Variants in MECR observed in about 807,000 individuals in gnomAD.
The protein encoded by MECR is mitochondrial trans-2-enoyl-CoA reductase, also known as enoyl-[acyl-carrier-protein] reductase, mitochondrial.
MECR carries 37 observed loss-of-function variants against 49.1 expected under a neutral mutation model. The ratio of observed to expected loss-of-function variants is 0.75; its 90% confidence interval spans 0.58 to 0.99. The LOEUF (loss-of-function observed/expected upper bound fraction) is 0.99, where lower values mean the gene tolerates loss of function less well. Ranked by LOEUF, MECR falls within the 50% of genes least tolerant of loss-of-function variation. MECR has a pLI of 0.00. For missense variants in MECR, 470 were observed against 479.6 expected (o/e 0.98, Z 0.19); for synonymous variants, 198 against 191.1 (o/e 1.04, Z -0.30).
intron 3 of MECR, among the ~76,000 whole-genome samples, chr1:29,215,710 A>C (rs1462771983): frequency 6.6e-6 from 1 of 151,142 alleles, no homozygotes; most frequent in African/African-American, 2.4e-5. Context: ...ATCTCTACTA[A>C]CAATACAAAA....
chr1:29,181,718 T>C, the MECR span: 1 of 1,594,176 alleles, frequency 6.3e-7, no homozygotes. Flanking sequence ...CTCCCGGGCC[T>C]GGTAGCTCAG....
chr1:29,226,120 G>A (rs1681980471), intron 1 of MECR, among the ~76,000 whole-genome samples: 1 of 141,982 alleles, frequency 7.0e-6, no homozygotes, highest in Non-Finnish European at 1.5e-5. Flanking sequence ...AGTGAGCCGA[G>A]ATTGCACCAC....
At chr1:29,221,251 G>C (rs959107997) in intron 1 of MECR, 1 of 152,212 alleles carries the variant, frequency 6.6e-6, no homozygotes, top group African/African-American at 2.4e-5. Context: ...TTGATGGACT[G>C]GGAACCCATC....
At chr1:29,181,950 G>C in the MECR span, 16 of 407,970 alleles carry the variant, frequency 3.9e-5, no homozygotes, top group African/African-American at 2.7e-4. Context: ...CGAGGCGGAA[G>C]GTAACCGGAG....
intron 3 of MECR, among the ~76,000 whole-genome samples, chr1:29,214,371 T>C (rs1429108179): frequency 2.0e-5 from 3 of 149,704 alleles, no homozygotes; most frequent in Non-Finnish European, 4.4e-5. Context: ...TTATTTTTTT[T>C]TTTTTTTGGA....
the MECR span, chr1:29,172,190 A>G: frequency 4.6e-5 from 7 of 152,268 alleles, no homozygotes; most frequent in African/African-American, 1.7e-4. Context: ...TATTACTAAT[A>G]AAACAATGAC....
chr1:29,175,737 A>G, the MECR span, among the ~76,000 whole-genome samples: 5 of 151,218 alleles, frequency 3.3e-5, no homozygotes, highest in East Asian at 5.8e-4. Context: ...CCAATTATAA[A>G]TATGTGCTAC....
chr1:29,224,499 G>A (rs966130145), intron 1 of MECR: 1 of 152,180 alleles, frequency 6.6e-6, no homozygotes, highest in African/African-American at 2.4e-5. Flanking sequence ...GGAGCAAAGA[G>A]GATTCACGTC....
At chr1:29,228,353 CTTTTTTTT>C (rs5773235) in intron 1 of MECR, among the ~76,000 whole-genome samples, 1 of 134,600 alleles carries the variant, frequency 7.4e-6, no homozygotes, top group Non-Finnish European at 1.6e-5. Context: ...GTGGAAGTAT[CTTTTTTTT>C]TTTTTTTTTG....
intron 1 of MECR, 133 bp from the exon 2 acceptor site, chr1:29,216,818 A>G (rs1377574897): frequency 1.3e-6 from 2 of 1,519,256 alleles, no homozygotes; most frequent in Admixed American, 2.1e-5. Flanking sequence ...CGGTTCTGTT[A>G]TAAAAGAGAG....
At chr1:29,183,381 TTCTC>T in the MECR span, among the ~76,000 whole-genome samples, 27 of 148,394 alleles carry the variant, frequency 1.8e-4, no homozygotes, top group African/African-American at 3.9e-4. Flanking sequence ...AACTTTGCAT[TTCTC>T]TCTCTCTCTT....
At chr1:29,180,502 C>T in the MECR span, among the ~76,000 whole-genome samples, 2 of 152,210 alleles carry the variant, frequency 1.3e-5, no homozygotes, top group African/African-American at 2.4e-5. Flanking sequence ...TTTTCTCATA[C>T]GTGAAACATA....
intron 7 of MECR, among the ~76,000 whole-genome samples, chr1:29,200,098 T>G (rs542536784): frequency 1.2e-4 from 19 of 152,264 alleles, no homozygotes; most frequent in Middle Eastern, 3.4e-3. Flanking sequence ...CCTTTGCACT[T>G]TTACATGTTT....
At chr1:29,195,126 AC>A (rs1673648635) in intron 9 of MECR, among the ~76,000 whole-genome samples, 2 of 151,858 alleles carry the variant, frequency 1.3e-5, no homozygotes, top group South Asian at 2.1e-4. Flanking sequence ...AAAAAAAATA[AC>A]CCCCCAAAAC....
the MECR span, among the ~76,000 whole-genome samples, chr1:29,176,951 T>C: frequency 1.3e-5 from 2 of 152,202 alleles, no homozygotes; most frequent in African/African-American, 4.8e-5. Context: ...TAAATTTCAA[T>C]GATCTGGGGG....
At chr1:29,173,128 GGCT>G in the MECR span, 1 of 135,408 alleles carries the variant, frequency 7.4e-6, no homozygotes, top group African/African-American at 2.7e-5. Flanking sequence ...GAGTCAAAAA[GGCT>G]TTTTTTTTTT....
chr1:29,203,760 G>C (rs1364489259), intron 4 of MECR, among the ~76,000 whole-genome samples: 1 of 152,220 alleles, frequency 6.6e-6, no homozygotes, highest in East Asian at 1.9e-4. Flanking sequence ...ATTGTATATA[G>C]GTCCATTTCT....
intron 6 of MECR, among the ~76,000 whole-genome samples, chr1:29,200,958 A>T (rs879655831): frequency 2.6e-5 from 4 of 151,394 alleles, no homozygotes; most frequent in East Asian, 1.9e-4. Context: ...CCAGATAATT[A>T]AAAAAAAATG....
rs1318958794 is a variant in MECR, at chr1:29,193,938, A to G, written c.*84T>C. ...AGTGAGGAGAACAGTAGTCTGGGGA[A>G]GGTGGGAGCCCCAACTGAGGGGCCT... On this transcript the variant is annotated 3_prime_UTR_variant, in exon 10 of 10. Coordinates refer to ENST00000263702, the MANE Select transcript of MECR (RefSeq NM_016011.5). The G allele has an allele frequency of 6.6e-7, 1 of 1,503,874 alleles. No individual in the cohort carries two copies. The highest frequency in any genetic ancestry group is 1.4e-5 in the African/African-American group (1 of 71,940). 93.2% of individuals were successfully genotyped at this position (1,503,874 alleles called of 1,614,324 possible).
Sources: gnomAD v4.1 joint callset for allele counts (sites outside exome capture counted in the v4.1 genomes callset) on GRCh38, gnomAD v4.1.1 for gene constraint, MANE v1.5 for transcripts, NCBI Gene and HGNC (gene_info 2026-07-23, HGNC 2026-07-21) for gene names.